The following ALX4 variants were observed in gnomAD, a reference collection of about 807,000 sequenced individuals.
The protein encoded by ALX4 is ALX homeobox 4.
A neutral mutation model predicts 40.6 loss-of-function variants in ALX4; 22 were observed. The observed-to-expected ratio is 0.54, with a 90% confidence interval of 0.39 to 0.77. ALX4 has a LOEUF of 0.77. ALX4 is among the 30% of genes least tolerant of loss of function. The probability of loss-of-function intolerance (pLI) is 0.00; values close to 1 mark genes in which losing one functional copy is unlikely to be tolerated. For synonymous variants in ALX4, 266 were observed against 240.5 expected (o/e 1.11, Z -0.98); for missense variants, 556 against 564.8 (o/e 0.98, Z 0.16).
At chr11:44,265,690 G>A (rs1393957643) in intron 3 of ALX4, among the ~76,000 whole-genome samples, 1 of 152,086 alleles carries the variant, frequency 6.6e-6, no homozygotes, top group African/African-American at 2.4e-5. Context: ...GGGCGGCAGG[G>A]ACCTAAACCT....
At chr11:44,286,302 A>G (rs1415384470) in intron 1 of ALX4, among the ~76,000 whole-genome samples, 3 of 152,160 alleles carry the variant, frequency 2.0e-5, no homozygotes, top group African/African-American at 7.2e-5. Context: ...TCAGCTCAAC[A>G]ACATTGCATG....
At chr11:44,297,033 G>T (rs1490229079) in intron 1 of ALX4, among the ~76,000 whole-genome samples, 3 of 137,210 alleles carry the variant, frequency 2.2e-5, no homozygotes, top group Non-Finnish European at 3.1e-5. Flanking sequence ...AAAAAAAAAG[G>T]TACCTACAGT....
At chr11:44,305,299 C>T (rs1027641644) in intron 1 of ALX4, among the ~76,000 whole-genome samples, 3 of 152,138 alleles carry the variant, frequency 2.0e-5, no homozygotes, top group African/African-American at 7.2e-5. Flanking sequence ...AGTTTTAATC[C>T]AGGCCCTCTG....
intron 3 of ALX4, among the ~76,000 whole-genome samples, chr11:44,266,133 AT>A (rs1237904212): frequency 1.3e-5 from 2 of 151,922 alleles, no homozygotes; most frequent in Non-Finnish European, 2.9e-5. Flanking sequence ...AGGGAACCGC[AT>A]TTCTCTCTGC....
chr11:44,282,915 A>G (rs1956317578), intron 1 of ALX4, among the ~76,000 whole-genome samples: 1 of 152,214 alleles, frequency 6.6e-6, no homozygotes, highest in Non-Finnish European at 1.5e-5. Context: ...GAATCTATAC[A>G]TGAGTGTGTT....
chr11:44,279,991 T>A (rs1590693756), intron 1 of ALX4, among the ~76,000 whole-genome samples: 2 of 152,298 alleles, frequency 1.3e-5, no homozygotes, highest in Middle Eastern at 6.8e-3. Context: ...TGTGTGCACC[T>A]TTGGTGAGCC....
intron 3 of ALX4, 76 bp from the exon 4 acceptor site, chr11:44,265,259 G>A: frequency 1.5e-6 from 2 of 1,333,790 alleles, no homozygotes; most frequent in South Asian, 2.9e-5. Flanking sequence ...TTCCCCCAGA[G>A]CACCTCTCCC....
At chr11:44,296,707 C>T (rs1458876615) in intron 1 of ALX4, among the ~76,000 whole-genome samples, 1 of 151,820 alleles carries the variant, frequency 6.6e-6, no homozygotes, top group Non-Finnish European at 1.5e-5. Context: ...TGTATGATTC[C>T]ACCTATAAGA....
chr11:44,309,231 C>CCCCGCAGCCCCGCA (rs1411376576), intron 1 of ALX4, among the ~76,000 whole-genome samples: 1 of 151,858 alleles, frequency 6.6e-6, no homozygotes, highest in Non-Finnish European at 1.5e-5. Flanking sequence ...CGCAGCCCAG[C>CCCCGCAGCCCCGCA]GCCAGAGCGC....
chr11:44,270,143 G>A (rs577705149), intron 2 of ALX4, among the ~76,000 whole-genome samples: 1 of 152,238 alleles, frequency 6.6e-6, no homozygotes, highest in African/African-American at 2.4e-5. Flanking sequence ...CTAGAGTGGA[G>A]GGAGGAGCCA....
Position 44,279,791 on chromosome 11 carries a change from C to T in ALX4, c.467-4133G>A, listed in dbSNP as rs866467514. Among the ~76,000 whole-genome samples the T allele has an allele frequency of 5.9e-5, 9 of 152,316 alleles. No homozygotes were observed. In the South Asian group the frequency reaches 6.2e-4, roughly 11 times the overall value. ...GCTGACTCGTAATCTCATCAAGCCC[C>T]GAATGTCCAGCTCCTCCTATAGAAT... On this transcript the variant is annotated intron_variant, in intron 1 of 3. Coordinates refer to ENST00000652299, the MANE Select transcript of ALX4 (RefSeq NM_021926.4).
At chr11:44,303,658 G>T (rs1450679599) in intron 1 of ALX4, among the ~76,000 whole-genome samples, 2 of 152,312 alleles carry the variant, frequency 1.3e-5, no homozygotes, top group Admixed American at 6.5e-5. Context: ...GCGCTGGCTG[G>T]TGCGGGTTGG....
chr11:44,309,493 C>A (rs1956492506), intron 1 of ALX4, 104 bp downstream of exon 1: 1 of 1,504,874 alleles, frequency 6.6e-7, no homozygotes, highest in East Asian at 2.5e-5. Flanking sequence ...CCACCCCGCC[C>A]CCAGCCCGCC....
chr11:44,309,798 T>C lies in ALX4; in HGVS notation c.265A>G (p.Lys89Glu). Reference protein sequence around the residue: ...SGAGARGSFNKFQPQPSTPQP... With the variant: ...SGAGARGSFNEFQPQPSTPQP... Reference sequence around the variant, plus strand: ...GGGGTCGACGGCTGGGGCTGGAACTTGTTAAAGGAGCCCCGCGCCCCAGCT... The same window carrying C: ...GGGGTCGACGGCTGGGGCTGGAACTCGTTAAAGGAGCCCCGCGCCCCAGCT... The change falls in exon 1 of 4, where the codon AAG (lysine) becomes GAG (glutamate). Residue 89 changes from lysine (K) to glutamate (E), a missense_variant. Lys to Glu is a moderately conservative substitution (Grantham distance 56). Transcript: ENST00000652299. 1 of 1,550,966 alleles carries C rather than the reference T, an allele frequency of 6.4e-7. No homozygotes were observed. The highest frequency in any genetic ancestry group is 8.7e-7 in the Non-Finnish European group (1 of 1,147,272).
chr11:44,270,356 C>T (rs528249562), intron 2 of ALX4, among the ~76,000 whole-genome samples: 3 of 152,062 alleles, frequency 2.0e-5, no homozygotes, highest in Non-Finnish European at 4.4e-5. Context: ...GGCGGGTGAG[C>T]GACCGGTGGG....
At chr11:44,290,061 C>A (rs1425701207) in intron 1 of ALX4, among the ~76,000 whole-genome samples, 2 of 152,204 alleles carry the variant, frequency 1.3e-5, no homozygotes, top group Admixed American at 6.5e-5. Flanking sequence ...AGGACTTGAA[C>A]CCTGCACCTC....
intron 3 of ALX4, 141 bp from the exon 4 acceptor site, chr11:44,265,324 A>C (rs907018130): frequency 2.4e-6 from 2 of 830,890 alleles, no homozygotes; most frequent in Non-Finnish European, 1.9e-6. Context: ...CTTGATGGAC[A>C]TCCAGATACC....
chr11:44,306,944 A>G (rs1318261531), intron 1 of ALX4, among the ~76,000 whole-genome samples: 1 of 152,192 alleles, frequency 6.6e-6, no homozygotes, highest in Non-Finnish European at 1.5e-5. Context: ...AGAGGGAAAG[A>G]ACAAACACTG....
chr11:44,304,500 C>G (rs191073673), intron 1 of ALX4, among the ~76,000 whole-genome samples: 3 of 152,158 alleles, frequency 2.0e-5, no homozygotes, highest in African/African-American at 4.8e-5. Context: ...GCGCGCCCCC[C>G]CCATGAATCA....
Sources: gnomAD v4.1 joint callset for allele counts (sites outside exome capture counted in the v4.1 genomes callset) on GRCh38, gnomAD v4.1.1 for gene constraint, MANE v1.5 for transcripts, NCBI Gene and HGNC (gene_info 2026-07-23, HGNC 2026-07-21) for gene names.